The following LHFPL2 variants were observed in gnomAD, a reference collection of about 807,000 sequenced individuals.
The protein encoded by LHFPL2 is LHFPL tetraspan subfamily member 2 protein.
LHFPL2 carries 7 observed loss-of-function variants against 17.5 expected under a neutral mutation model. The ratio of observed to expected loss-of-function variants is 0.40; its 90% CI spans 0.23 to 0.75. LHFPL2 has a LOEUF of 0.75. LHFPL2 is among the 30% of genes least tolerant of loss of function. The probability of loss-of-function intolerance (pLI) is 0.37; values close to 1 mark genes in which losing one functional copy is unlikely to be tolerated. For missense variants in LHFPL2, 241 were observed against 294.8 expected, an observed-to-expected ratio of 0.82 and a Z score of 1.34; for synonymous variants, 134 against 116.2, an observed-to-expected ratio of 1.15 and a Z score of -0.99.
At chr5:78,533,057 A>G (rs959776441) in intron 3 of LHFPL2, among the ~76,000 whole-genome samples, 2 of 152,170 alleles carry the variant, frequency 1.3e-5, no homozygotes, top group Non-Finnish European at 2.9e-5. Flanking sequence ...GTCCACTCAC[A>G]GCCTTACCGA....
intron 1 of LHFPL2, among the ~76,000 whole-genome samples, chr5:78,639,903 C>T (rs1221078426): frequency 6.6e-6 from 1 of 152,198 alleles, no homozygotes; most frequent in Admixed American, 6.5e-5. Flanking sequence ...GAATGAGGCT[C>T]CTGTGAATGC....
At chr5:78,515,175 TG>T (rs1291067191) in intron 3 of LHFPL2, among the ~76,000 whole-genome samples, 2 of 152,360 alleles carry the variant, frequency 1.3e-5, no homozygotes, top group Non-Finnish European at 2.9e-5. Flanking sequence ...TTTTAATAGC[TG>T]TTTTCTTAAA....
chr5:78,644,534 A>G, intron 1 of LHFPL2: 2 of 567,420 alleles, frequency 3.5e-6, no homozygotes, highest in Non-Finnish European at 6.4e-6. Context: ...CACTCAGAAT[A>G]GAACAAGAAA....
In LHFPL2 at chr5:78,503,430, G is replaced by C. The variant is rs562965524; in HGVS notation, c.430+6354C>G. On this transcript the variant is annotated intron_variant, in intron 4 of 4. Transcript: ENST00000380345. ...GTCCCCGTCTTGGCCAGGTGCGGTG[G>C]CTCTGCCTGTAATCCCAGCACTCTG... Among the ~76,000 whole-genome samples the C allele has an allele frequency of 3.9e-5, 6 of 152,268 alleles. 1 individual carries two copies. The South Asian group carries it at 1.2e-3, about 32-fold the overall frequency.
chr5:78,639,022 C>T (rs1240528047), intron 1 of LHFPL2, among the ~76,000 whole-genome samples: 1 of 152,070 alleles, frequency 6.6e-6, no homozygotes, highest in Non-Finnish European at 1.5e-5. Context: ...TTAAGAAAGC[C>T]AGAAGCCTCT....
chr5:78,505,940 C>T (rs1328929270), intron 4 of LHFPL2, among the ~76,000 whole-genome samples: 4 of 152,160 alleles, frequency 2.6e-5, no homozygotes, highest in East Asian at 1.9e-4. Context: ...CAAATTGGTC[C>T]GTGTTTCACA....
At chr5:78,602,875 GGTTTTGTTTT>G (rs58986689) in intron 2 of LHFPL2, among the ~76,000 whole-genome samples, 1,904 of 150,038 alleles carry the variant, frequency 0.013, 46 homozygotes, top group African/African-American at 0.043. Context: ...AATGAGGTAG[GGTTTTGTTTT>G]GTTTTGTTTT....
intron 4 of LHFPL2, among the ~76,000 whole-genome samples, chr5:78,490,746 CAAAA>C (rs370809060): frequency 3.3e-5 from 3 of 92,170 alleles, no homozygotes; most frequent in Non-Finnish European, 5.9e-5. Flanking sequence ...GACTCCCTCT[CAAAA>C]AAAAAAAAAA....
At chr5:78,495,228 A>T (rs769350271) in intron 4 of LHFPL2, among the ~76,000 whole-genome samples, 1 of 152,170 alleles carries the variant, frequency 6.6e-6, no homozygotes, top group Non-Finnish European at 1.5e-5. Flanking sequence ...ACAGCATTTC[A>T]GTTTGTGAAG....
chr5:78,553,703 A>G (rs1357926303), intron 3 of LHFPL2, among the ~76,000 whole-genome samples: 1 of 152,218 alleles, frequency 6.6e-6, no homozygotes, highest in Non-Finnish European at 1.5e-5. Context: ...CTTCCCCAGG[A>G]ATTTCCCCAA....
intron 3 of LHFPL2, among the ~76,000 whole-genome samples, chr5:78,546,992 G>A (rs1379404202): frequency 2.7e-5 from 4 of 150,514 alleles, no homozygotes; most frequent in African/African-American, 7.3e-5. Context: ...ATAGGAAACA[G>A]ATGAAAGCAG....
At chr5:78,618,871 C>T (rs904887033) in intron 2 of LHFPL2, among the ~76,000 whole-genome samples, 7 of 152,166 alleles carry the variant, frequency 4.6e-5, no homozygotes, top group Non-Finnish European at 8.8e-5. Context: ...GAAGAAAGAA[C>T]CAGAATGCCT....
chr5:78,594,745 C>T (rs1743767391), intron 2 of LHFPL2, among the ~76,000 whole-genome samples: 1 of 152,148 alleles, frequency 6.6e-6, no homozygotes. Context: ...CTTGAAAACA[C>T]AGTGCAAAAG....
At chr5:78,490,420 A>C (rs534320866) in intron 4 of LHFPL2, among the ~76,000 whole-genome samples, 2 of 152,152 alleles carry the variant, frequency 1.3e-5, no homozygotes, top group Admixed American at 6.5e-5. Flanking sequence ...AGGCCCCCCC[A>C]GATTTTACCC....
intron 1 of LHFPL2, among the ~76,000 whole-genome samples, chr5:78,634,555 C>G (rs530575467): frequency 1.3e-5 from 2 of 152,236 alleles, no homozygotes; most frequent in Non-Finnish European, 2.9e-5. Flanking sequence ...TGCTAGCCCT[C>G]AACGATCATG....
intron 2 of LHFPL2, among the ~76,000 whole-genome samples, chr5:78,623,895 T>C (rs1442978172): frequency 1.3e-5 from 2 of 152,212 alleles, no homozygotes; most frequent in East Asian, 3.8e-4. Flanking sequence ...TAGATAACTA[T>C]ATCAGTGCCA....
chr5:78,578,594 C>T (rs983965908), intron 2 of LHFPL2, among the ~76,000 whole-genome samples: 24 of 144,310 alleles, frequency 1.7e-4, no homozygotes, highest in Non-Finnish European at 2.8e-4. Flanking sequence ...TGCACACACA[C>T]ACACACACAC....
rs539943814 is a variant in LHFPL2 at position 78,619,752 on chromosome 5, G to A, written c.-245+12512C>T. On this transcript the variant is annotated intron_variant, in intron 2 of 4. Transcript: ENST00000380345. ...TTCCCACCTATGAGTGAGAACATGCGGTGTTTGGTTTTTTGTCCTTGCAAT... is the reference window on the plus strand; with the variant it reads ...TTCCCACCTATGAGTGAGAACATGCAGTGTTTGGTTTTTTGTCCTTGCAAT... 6.1e-3 allele frequency among the ~76,000 whole-genome samples: 834 copies of A among 136,676 alleles called. 4 individuals are homozygous for A. The highest frequency in any genetic ancestry group is 0.02 in the African/African-American group (732 of 36,396). 89.7% of individuals were successfully genotyped at this position (136,676 alleles called of 152,430 possible).
At chr5:78,617,498 C>T (rs1193808434) in intron 2 of LHFPL2, among the ~76,000 whole-genome samples, 3 of 152,064 alleles carry the variant, frequency 2.0e-5, no homozygotes, top group Admixed American at 6.5e-5. Context: ...ATCTGTGCAC[C>T]CATGGGTGCA....
Sources: gnomAD v4.1 joint callset for allele counts (sites outside exome capture counted in the v4.1 genomes callset) on GRCh38, gnomAD v4.1.1 for gene constraint, MANE v1.5 for transcripts, NCBI Gene and HGNC (gene_info 2026-07-23, HGNC 2026-07-21) for gene names.